CFAP46: variants seen among roughly 807,000 people sequenced by gnomAD.
CFAP46 encodes cilia- and flagella-associated protein 46.
In CFAP46, 245 loss-of-function variants were observed where a neutral mutation model predicts 325.7. The ratio of observed to expected loss-of-function variants is 0.75; its 90% CI spans 0.68 to 0.84. The LOEUF (loss-of-function observed/expected upper bound fraction) is 0.84. Ranked by LOEUF, CFAP46 falls within the 40% of genes least tolerant of loss-of-function variation. The pLI is 0.00. For synonymous variants in CFAP46, 1,523 were observed against 1,495.9 expected, an observed-to-expected ratio of 1.02 and a Z score of -0.42; for missense variants, 3,346 against 3,543.0, an observed-to-expected ratio of 0.94 and a Z score of 1.41.
At chr10:132,854,645 G>GTT (rs111622147) in intron 39 of CFAP46, among the ~76,000 whole-genome samples, 2 of 151,592 alleles carry the variant, frequency 1.3e-5, no homozygotes, top group African/African-American at 4.8e-5. Context: ...CCAGCTTTCT[G>GTT]GTTTTTTTTA....
Position 132,814,716 on chromosome 10 carries a change from A to T in CFAP46, c.7219T>A (p.Cys2407Ser). ...GSIPRTIPPD[C>S]IIVDSDNFKF... ...AAGTTGTCTGAGTCGACTATGATGCAGTCAGGGGGGATGGTCCGGGGGATG... is the reference window on the plus strand; with the variant it reads ...AAGTTGTCTGAGTCGACTATGATGCTGTCAGGGGGGATGGTCCGGGGGATG... The change falls in exon 52 of 58, where the codon TGC becomes AGC. Residue 2407 changes from cysteine to serine, a missense_variant. Cys to Ser is a moderately radical substitution (Grantham distance 112). Transcript: ENST00000368586. The T allele has an allele frequency of 3.7e-6, 6 of 1,612,608 alleles. No homozygotes were observed. Among genetic ancestry groups the T allele is most frequent in the Non-Finnish European group, 5.1e-6 (6 of 1,179,336 alleles).
At chr10:132,834,974 C>A (rs2135007434) in intron 47 of CFAP46, among the ~76,000 whole-genome samples, 199 bp from the exon 48 acceptor site, 1 of 152,390 alleles carries the variant, frequency 6.6e-6, no homozygotes, top group East Asian at 1.9e-4. Context: ...CCCCAGCCCC[C>A]ACCCATCTCC....
chr10:132,928,390 C>G (rs527341765), intron 9 of CFAP46, among the ~76,000 whole-genome samples: 38 of 152,342 alleles, frequency 2.5e-4, no homozygotes, highest in African/African-American at 7.7e-4. Flanking sequence ...CCACGCTGCT[C>G]CCATCCTCCG....
chr10:132,810,800 G>T, intron 56 of CFAP46, 150 bp downstream of exon 56: 2 of 797,180 alleles, frequency 2.5e-6, no homozygotes, highest in Non-Finnish European at 4.2e-6. Flanking sequence ...GCCACACCTC[G>T]CCAACTGCTG....
Position 132,863,921 on chromosome 10 carries a change from G to A in CFAP46, c.4890+2104C>T, listed in dbSNP as rs1848762532. On this transcript the variant is annotated intron_variant, in intron 35 of 57. Coordinates refer to ENST00000368586, the MANE Select transcript of CFAP46 (RefSeq NM_001200049.3). ...CACCTGTCCCCAGTGCCTGAGACAT[G>A]CACACACCTCTCCCTGCGATCAGAG... is the stretch of plus-strand genomic sequence containing the variant. Among the ~76,000 whole-genome samples the A allele has an allele frequency of 2.1e-5, 3 of 143,000 alleles. No homozygotes were observed. The South Asian group carries it at 6.8e-4, about 33-fold the overall frequency. The allele number at this position is 143,000 out of a possible 152,430, so 93.8% of individuals were successfully genotyped here. A position where few individuals can be genotyped will look rare whatever the true frequency, so the allele number is the denominator to read the frequency against.
intron 23 of CFAP46, 42 bp from the exon 24 acceptor site, chr10:132,899,163 C>A: frequency 6.6e-7 from 1 of 1,524,876 alleles, no homozygotes. Context: ...CCACCTGGGC[C>A]CACCTGGAGC....
At chr10:132,870,136 A>C (rs1446073015) in intron 32 of CFAP46, among the ~76,000 whole-genome samples, 1 of 152,112 alleles carries the variant, frequency 6.6e-6, no homozygotes, top group Non-Finnish European at 1.5e-5. Flanking sequence ...CTTTGCGGTT[A>C]CCATTGTAAT....
At chr10:132,942,164 C>A in intron 1 of CFAP46, 60 bp from the exon 2 acceptor site, 1 of 1,540,018 alleles carries the variant, frequency 6.5e-7, no homozygotes, top group Non-Finnish European at 8.8e-7. Context: ...GTGAGCCGGG[C>A]AACGCCATCC....
At chr10:132,821,051 TGCTGTGTGC>T (rs1428065874) in intron 50 of CFAP46, among the ~76,000 whole-genome samples, 4 of 136,366 alleles carry the variant, frequency 2.9e-5, no homozygotes, top group African/African-American at 8.5e-5. Context: ...GTGCTGTGTG[TGCTGTGTGC>T]TGTGAGTGCT....
In CFAP46 at chr10:132,869,053, GC is replaced by G. The variant is rs1848858403; in HGVS notation, c.4610+220del. On this transcript the variant is annotated intron_variant, in intron 33 of 57. Coordinates refer to ENST00000368586, the MANE Select transcript of CFAP46 (RefSeq NM_001200049.3). This position sits in a 1 kb window ranked among gnomAD's most constrained non-coding sequence, Gnocchi z 6.2. ...GGAGGGGCTCGGGCCACCCTGGAGA[GC>G]CCCCCTCACCGCCCCTCCCTCCCTC... Among the ~76,000 whole-genome samples, 1 of 152,188 alleles carries G rather than the reference GC, an allele frequency of 6.6e-6. No individual in the cohort carries two copies.
rs533730270 is a variant in CFAP46, at chr10:132,880,869, G to A, written c.3791C>T (p.Thr1264Met). 123 of 1,547,830 alleles carry A rather than the reference G, an allele frequency of 7.9e-5. No homozygotes were observed. Among genetic ancestry groups the A allele is most frequent in the Admixed American group, 2.5e-4 (13 of 50,990 alleles). The change falls in exon 28 of 58, where the codon ACG becomes ATG. Residue 1264 changes from threonine to methionine, a missense_variant. Transcript: ENST00000368586. ...PPGDVPEPQP[T>M]PDGEYVAVEM... ...CAGCGGCGTGGGCTCACCATCCGGC[G>A]TGGGCTGTGGCTCAGGGACATCGCC...
intron 32 of CFAP46, chr10:132,872,464 G>GCC: frequency 5.1e-6 from 3 of 583,044 alleles, no homozygotes. Context: ...TTGCTATGTT[G>GCC]CCCAGGCTGG....
chr10:132,887,230 CCTCTCCCCTCTTCTCTCT>C (rs1849152841), intron 25 of CFAP46, among the ~76,000 whole-genome samples: 1 of 103,572 alleles, frequency 9.7e-6, no homozygotes, highest in African/African-American at 5.9e-5. Context: ...TTCTCTCTCT[CCTCTCCCCTCTTCTCTCT>C]CCTCTCTCGC....
In CFAP46 at chr10:132,826,429, A is replaced by C. The variant is rs571070046; in HGVS notation, c.7117+6929T>G. On this transcript the variant is annotated intron_variant, in intron 50 of 57. Transcript: ENST00000368586. Reference sequence around the variant, plus strand: ...AGCCAGGCAGGAGCCAGAGCCACAGAGACCAGCCACGGAGCCAGGCAGGAG... The same window carrying C: ...AGCCAGGCAGGAGCCAGAGCCACAGCGACCAGCCACGGAGCCAGGCAGGAG... Among the ~76,000 whole-genome samples, 229 of 90,760 alleles carry C rather than the reference A, an allele frequency of 2.5e-3. 2 individuals are homozygous for C. The highest frequency in any genetic ancestry group is 7.6e-3 in the African/African-American group (222 of 29,332). The allele number at this position is 90,760 out of a possible 152,430, so 59.5% of individuals were successfully genotyped here.
At position 132,922,512 on chromosome 10, in the gene CFAP46, C is replaced by A. The variant is rs148107424; in HGVS notation, c.1453G>T (p.Ala485Ser). 4 of 1,545,232 alleles carry A rather than the reference C, an allele frequency of 2.6e-6. No individual in the cohort carries two copies. Among genetic ancestry groups the A allele is most frequent in the South Asian group, 2.4e-5 (2 of 83,954 alleles). Reference sequence around the variant, plus strand: ...ACGGCCATGATGGCCTTGTCCTCTGCGCGCTCAGGGGCCTGGTATAGCGTG... The same window carrying A: ...ACGGCCATGATGGCCTTGTCCTCTGAGCGCTCAGGGGCCTGGTATAGCGTG... ...CTTLYQAPERAEDKAIMAVEQ... is the reference protein window; with the variant it reads ...CTTLYQAPERSEDKAIMAVEQ... Residue 485 changes from alanine to serine, a missense_variant, in exon 12 of 58, where the codon GCA becomes TCA. Transcript: ENST00000368586.
At position 132,876,662 on chromosome 10, in the gene CFAP46, G is replaced by C. The variant is rs371242112; in HGVS notation, c.4362+150C>G. The C allele has an allele frequency of 9.0e-5, 68 of 753,228 alleles. No individual in the cohort carries two copies. In the African/African-American group the frequency reaches 1.0e-3, roughly 11 times the overall value. 46.7% of individuals were successfully genotyped at this position (753,228 alleles called of 1,614,324 possible). On this transcript the variant is annotated intron_variant, in intron 31 of 57. Transcript: ENST00000368586. The surrounding 1 kb of genome is among the most constrained non-coding windows in gnomAD (Gnocchi z 4.1). The stretch of plus-strand genomic sequence containing the variant: ...AGTTGAGGGCAGACAGTGGTGCTGG[G>C]AGGGCCTGTGGGAGGCTGGGGGCTG...
chr10:132,823,216 T>A (rs1847927751), intron 50 of CFAP46, among the ~76,000 whole-genome samples: 1 of 132,920 alleles, frequency 7.5e-6, no homozygotes, highest in Non-Finnish European at 1.6e-5. Flanking sequence ...TGTGCTGATG[T>A]GTGCTGTGTG....
intron 50 of CFAP46, among the ~76,000 whole-genome samples, chr10:132,821,937 TGC>T (rs1165198774): frequency 7.0e-6 from 1 of 142,974 alleles, no homozygotes; most frequent in African/African-American, 2.7e-5. Flanking sequence ...CGCTGATGTG[TGC>T]TGTGTGTGCG....
rs1010166856 is a variant in CFAP46 at position 132,836,843 on chromosome 10, G to T, written c.6510C>A (p.Ile2170=). The T allele has an allele frequency of 6.2e-7, 1 of 1,613,804 alleles. No homozygotes were observed. Residue 2170 remains isoleucine, a synonymous_variant, in exon 45 of 58, where the codon ATC becomes ATA. Coordinates refer to ENST00000368586, the MANE Select transcript of CFAP46 (RefSeq NM_001200049.3). ...LLNEMPPTFW[I]LFLHLSGDRS... ...TGTCCCCTGAGAGGTGCAGAAAGAG[G>T]ATCCAAAAGGTCGGAGGCATCTCAT...
Sources: gnomAD v4.1 joint callset for allele counts (sites outside exome capture counted in the v4.1 genomes callset) on GRCh38, gnomAD v4.1.1 for gene constraint, Gnocchi (gnomAD v3.1) non-coding constraint, MANE v1.5 for transcripts, NCBI Gene and HGNC (gene_info 2026-07-23, HGNC 2026-07-21) for gene names.